The following FAM227B variants were observed in gnomAD, a reference collection of about 807,000 sequenced individuals.
FAM227B encodes protein FAM227B.
In FAM227B, 88 loss-of-function variants were observed where a neutral mutation model predicts 73.8. That is an observed-to-expected ratio of 1.19 (90% CI 1.00 to 1.42). The LOEUF (loss-of-function observed/expected upper bound fraction) is 1.42, where lower values mean the gene tolerates loss of function less well. Among genes scored for constraint, FAM227B ranks in the 40% most tolerant of loss-of-function variants. The pLI is 0.00. For synonymous variants in FAM227B, 210 were observed against 190.5 expected, an observed-to-expected ratio of 1.10 and a Z score of -0.84; for missense variants, 632 against 590.9, an observed-to-expected ratio of 1.07 and a Z score of -0.72.
chr15:49,329,823 A>T, intron 15 of FAM227B: 1 of 572,622 alleles, frequency 1.7e-6, no homozygotes, highest in Non-Finnish European at 2.2e-6. Context: ...AAAAAAAAAA[A>T]GGCACCTGTC....
At chr15:49,492,140 ATG>A (rs1485071059) in intron 11 of FAM227B, among the ~76,000 whole-genome samples, 3 of 151,914 alleles carry the variant, frequency 2.0e-5, no homozygotes, top group Non-Finnish European at 4.4e-5. Flanking sequence ...AGCAATCACT[ATG>A]TGAGGTAAAA....
At chr15:49,450,978 C>T (rs2052670416) in intron 11 of FAM227B, among the ~76,000 whole-genome samples, 1 of 152,050 alleles carries the variant, frequency 6.6e-6, no homozygotes, top group African/African-American at 2.4e-5. Flanking sequence ...AAATATATTT[C>T]CCTGGTCAGT....
intron 11 of FAM227B, among the ~76,000 whole-genome samples, chr15:49,442,271 T>C (rs997531694): frequency 9.2e-5 from 14 of 151,718 alleles, no homozygotes; most frequent in Admixed American, 8.6e-4. Flanking sequence ...TCACTCTGCA[T>C]GACAATATTG....
At chr15:49,618,825 GAGA>G (rs2078465265) in intron 1 of FAM227B, among the ~76,000 whole-genome samples, 1 of 152,320 alleles carries the variant, frequency 6.6e-6, no homozygotes, top group Middle Eastern at 3.4e-3. Flanking sequence ...TTCCTTTGGT[GAGA>G]AGAATTGAGA....
intron 13 of FAM227B, among the ~76,000 whole-genome samples, chr15:49,359,109 A>C (rs1206065403): frequency 6.6e-6 from 1 of 152,008 alleles, no homozygotes; most frequent in East Asian, 1.9e-4. Flanking sequence ...AAAGACTTAA[A>C]CGTTAGACCT....
rs920629499 is a variant in FAM227B, at chr15:49,514,195, C to T, written c.875-5847G>A. 4.9e-4 allele frequency among the ~76,000 whole-genome samples: 74 copies of T among 152,084 alleles called. 2 individuals are homozygous for T. Among genetic ancestry groups the T allele is most frequent in the Admixed American group, 4.5e-3 (68 of 15,258 alleles). On this transcript the variant is annotated intron_variant, in intron 10 of 15. Transcript: ENST00000299338. ...TTATAAATTACTTTGGGCAGTATGG[C>T]CATTTTCACGATATTGATTTTTCCT...
intron 11 of FAM227B, among the ~76,000 whole-genome samples, chr15:49,405,681 G>A (rs1471876028): frequency 1.3e-5 from 2 of 152,110 alleles, no homozygotes; most frequent in Non-Finnish European, 2.9e-5. Context: ...TCCTTAGATT[G>A]GGTTTCAATG....
intron 11 of FAM227B, chr15:49,485,111 C>T (rs952019081): frequency 6.6e-6 from 1 of 152,102 alleles, no homozygotes; most frequent in Non-Finnish European, 1.5e-5. Flanking sequence ...AGGATTAGAA[C>T]ATGCTTATAC....
intron 11 of FAM227B, chr15:49,484,564 T>G (rs2056248009): frequency 1.2e-6 from 1 of 827,028 alleles, no homozygotes; most frequent in Non-Finnish European, 1.7e-6. Context: ...TGGACTGTTT[T>G]CTTTCTTCTC....
At chr15:49,468,506 G>C (rs1444750144) in intron 11 of FAM227B, among the ~76,000 whole-genome samples, 1 of 152,106 alleles carries the variant, frequency 6.6e-6, no homozygotes, top group African/African-American at 2.4e-5. Flanking sequence ...CTTTCTTAGG[G>C]TAAAGTGATC....
intron 3 of FAM227B, among the ~76,000 whole-genome samples, chr15:49,591,018 CTCT>C (rs1567655243): frequency 8.1e-6 from 1 of 123,214 alleles, no homozygotes; most frequent in African/African-American, 2.9e-5. Context: ...CTTTCTCTTT[CTCT>C]TTTTTTTGTT....
chr15:49,600,362 T>G (rs60673991), intron 3 of FAM227B, among the ~76,000 whole-genome samples: 8,828 of 150,866 alleles, frequency 0.059, 782 homozygotes, highest in African/African-American at 0.2. Context: ...TTTTTTTTTT[T>G]TTTAAATCCG....
At chr15:49,563,089 G>T (rs2074382521) in intron 9 of FAM227B, among the ~76,000 whole-genome samples, 1 of 152,042 alleles carries the variant, frequency 6.6e-6, no homozygotes, top group African/African-American at 2.4e-5. Context: ...TCTATACCTA[G>T]AACATCCTAA....
chr15:49,570,426 CT>C (rs999646846), intron 8 of FAM227B, among the ~76,000 whole-genome samples: 40 of 151,958 alleles, frequency 2.6e-4, no homozygotes, highest in African/African-American at 9.4e-4. Context: ...TTTTCAAATA[CT>C]GTTCACATAG....
chr15:49,369,928 C>G (rs2045696478), intron 12 of FAM227B, among the ~76,000 whole-genome samples: 1 of 152,048 alleles, frequency 6.6e-6, no homozygotes, highest in East Asian at 1.9e-4. Flanking sequence ...TTTCAGAGCT[C>G]TTCATAATTA....
chr15:49,413,655 A>G (rs1183753834), intron 11 of FAM227B, among the ~76,000 whole-genome samples: 1 of 152,058 alleles, frequency 6.6e-6, no homozygotes, highest in Non-Finnish European at 1.5e-5. Flanking sequence ...GAATGATTAT[A>G]CCCATTATAC....
rs528062857 is a variant in FAM227B at position 49,499,207 on chromosome 15, T to A, written c.1012+9004A>T. 9.3e-4 allele frequency among the ~76,000 whole-genome samples: 129 copies of A among 138,302 alleles called. 4 individuals carry two copies. The South Asian group carries it at 0.029, about 31-fold the overall frequency. 90.7% of individuals were successfully genotyped at this position (138,302 alleles called of 152,430 possible). A position where few individuals can be genotyped will look rare whatever the true frequency, so the allele number is the denominator to read the frequency against. On this transcript the variant is annotated intron_variant, in intron 11 of 15. Coordinates refer to ENST00000299338, the MANE Select transcript of FAM227B (RefSeq NM_152647.3). ...AAAAAAAAAGAAGGGCATTACATAA[T>A]GATAAAGTATTCAATACAACAAAAA...
chr15:49,373,435 A>G (rs1356898928), intron 11 of FAM227B, among the ~76,000 whole-genome samples: 2 of 152,080 alleles, frequency 1.3e-5, no homozygotes, highest in African/African-American at 2.4e-5. Flanking sequence ...AGTTTTAGGG[A>G]AAAATGTTAA....
At chr15:49,568,917 T>A (rs1295866476) in intron 8 of FAM227B, among the ~76,000 whole-genome samples, 1 of 152,020 alleles carries the variant, frequency 6.6e-6, no homozygotes, top group Non-Finnish European at 1.5e-5. Context: ...TAGAAAATGT[T>A]TCCTCTTCAA....
Sources: allele counts gnomAD v4.1 joint callset (sites outside exome capture counted in the v4.1 genomes callset), GRCh38; gene constraint gnomAD v4.1.1; transcripts MANE v1.5; gene names NCBI Gene and HGNC (gene_info 2026-07-23, HGNC 2026-07-21).